DCDC1: variants seen among roughly 807,000 people sequenced by gnomAD.
The protein encoded by DCDC1 is doublecortin domain containing 1.
DCDC1 carries 200 observed loss-of-function variants against 178.3 expected under a neutral mutation model. The observed-to-expected ratio is 1.12, with a 90% CI of 1.00 to 1.26. DCDC1 has a LOEUF of 1.26. Among genes scored for constraint, DCDC1 ranks in the 50% most tolerant of loss-of-function variants. The pLI is 0.00. For missense variants in DCDC1, 1,983 were observed against 1,749.2 expected, an observed-to-expected ratio of 1.13 and a Z score of -2.38; for synonymous variants, 690 against 604.8, an observed-to-expected ratio of 1.14 and a Z score of -2.07.
intron 16 of DCDC1, 22 bp downstream of exon 16, chr11:31,094,028 A>G (rs758771863): frequency 1.3e-5 from 10 of 762,830 alleles, no homozygotes; most frequent in African/African-American, 1.0e-4. Context: ...GTCACTCAGC[A>G]AAAGCAGACA....
chr11:31,063,671 G>A (rs7934159), intron 20 of DCDC1, among the ~76,000 whole-genome samples: 30,842 of 151,962 alleles, frequency 0.2, 3,622 homozygotes, highest in Non-Finnish European at 0.27. Context: ...TTGAGGCCAG[G>A]AGTTCAAGAG....
chr11:30,901,977 A>G (rs774708441), intron 32 of DCDC1, among the ~76,000 whole-genome samples: 24 of 152,274 alleles, frequency 1.6e-4, no homozygotes, highest in Middle Eastern at 3.4e-3. Context: ...TACACAAATG[A>G]CTATTATTCA....
At chr11:31,168,502 T>C (rs951813810) in intron 9 of DCDC1, among the ~76,000 whole-genome samples, 23 of 152,218 alleles carry the variant, frequency 1.5e-4, no homozygotes, top group African/African-American at 4.8e-4. Context: ...CTTAGCATAA[T>C]GCTTGATGCT....
chr11:31,315,413 T>A (rs958955079), intron 3 of DCDC1, among the ~76,000 whole-genome samples: 2 of 136,636 alleles, frequency 1.5e-5, no homozygotes, highest in Admixed American at 1.6e-4. Flanking sequence ...CTCGGCTCAC[T>A]GCAAGCTCCA....
intron 9 of DCDC1, among the ~76,000 whole-genome samples, chr11:31,182,814 T>C (rs1968984623): frequency 6.6e-6 from 1 of 152,016 alleles, no homozygotes; most frequent in African/African-American, 2.4e-5. Context: ...GCAAGCTGAA[T>C]AAAGATTCAA....
intron 11 of DCDC1, among the ~76,000 whole-genome samples, chr11:31,113,295 T>A (rs528827265): frequency 1.3e-5 from 2 of 152,272 alleles, no homozygotes; most frequent in African/African-American, 4.8e-5. Context: ...CTTTTTTGTT[T>A]GTTTGTTTTT....
At chr11:31,108,534 G>C (rs1958999231) in intron 12 of DCDC1, among the ~76,000 whole-genome samples, 2 of 152,106 alleles carry the variant, frequency 1.3e-5, no homozygotes, top group South Asian at 2.1e-4. Context: ...TGCTTTACAG[G>C]CATCACCTTT....
chr11:31,211,587 C>A (rs1427573883), intron 9 of DCDC1, among the ~76,000 whole-genome samples: 3 of 152,122 alleles, frequency 2.0e-5, no homozygotes, highest in Non-Finnish European at 4.4e-5. Context: ...ATACTTTGTT[C>A]TTTAATCGGA....
At chr11:31,298,660 G>C (rs529299511) in intron 6 of DCDC1, among the ~76,000 whole-genome samples, 49 of 152,180 alleles carry the variant, frequency 3.2e-4, no homozygotes, top group African/African-American at 1.2e-3. Flanking sequence ...AAAAGATAAA[G>C]CACTTCTTAG....
chr11:30,869,012 T>C (rs1941287895), intron 38 of DCDC1, among the ~76,000 whole-genome samples: 1 of 152,230 alleles, frequency 6.6e-6, no homozygotes, highest in South Asian at 2.1e-4. Context: ...GAGCAGCCTC[T>C]CCCTTCTCAG....
intron 21 of DCDC1, among the ~76,000 whole-genome samples, chr11:30,935,631 G>C (rs1312979307): frequency 4.6e-5 from 7 of 151,816 alleles, no homozygotes; most frequent in Admixed American, 4.6e-4. Flanking sequence ...TCAGCTCACT[G>C]CAACCTTTGC....
At chr11:31,069,647 G>A (rs965069958) in intron 18 of DCDC1, among the ~76,000 whole-genome samples, 2 of 152,136 alleles carry the variant, frequency 1.3e-5, no homozygotes, top group African/African-American at 4.8e-5. Flanking sequence ...CACATTCCAA[G>A]ACCATAAGTA....
At chr11:31,333,226 A>G (rs551640807) in intron 2 of DCDC1, among the ~76,000 whole-genome samples, 1 of 151,562 alleles carries the variant, frequency 6.6e-6, no homozygotes, top group East Asian at 1.9e-4. Flanking sequence ...TTTGCTCTCC[A>G]TTTGCTTGGT....
At chr11:31,179,270 G>T (rs1038121738) in intron 9 of DCDC1, among the ~76,000 whole-genome samples, 2 of 152,096 alleles carry the variant, frequency 1.3e-5, no homozygotes, top group African/African-American at 4.8e-5. Flanking sequence ...CACTATGAAG[G>T]TTCCTCAAAA....
intron 13 of DCDC1, among the ~76,000 whole-genome samples, chr11:31,106,588 A>G (rs1393939137): frequency 6.6e-6 from 1 of 152,234 alleles, no homozygotes; most frequent in Non-Finnish European, 1.5e-5. Flanking sequence ...CAAGGCATTA[A>G]GACAGAAAGT....
intron 7 of DCDC1, among the ~76,000 whole-genome samples, chr11:31,272,384 C>A (rs1161205449): frequency 6.6e-6 from 1 of 152,118 alleles, no homozygotes; most frequent in East Asian, 1.9e-4. Context: ...ATTTTGAAAC[C>A]AATCATGCCT....
rs550257647 is a variant in DCDC1, at chr11:30,898,539, G to A, written c.4765+1002C>T. ...TCCAGGTTTTTGAGGAGGAACACCT[G>A]GGTAGATGGTAGTAGAACCCTCTAC... On this transcript the variant is annotated intron_variant, in intron 34 of 38. Transcript: ENST00000684477. 7.2e-5 allele frequency among the ~76,000 whole-genome samples: 11 copies of A among 152,240 alleles called. No individual in the cohort carries two copies. In the South Asian group the frequency reaches 2.3e-3, roughly 32 times the overall value.
chr11:31,107,928 C>A (rs1393776306), intron 12 of DCDC1, among the ~76,000 whole-genome samples: 1 of 152,160 alleles, frequency 6.6e-6, no homozygotes, highest in Non-Finnish European at 1.5e-5. Flanking sequence ...GTGGTCTTTT[C>A]TGGCCTAACT....
chr11:31,149,071 T>G (rs187479218), intron 9 of DCDC1, among the ~76,000 whole-genome samples: 1 of 152,356 alleles, frequency 6.6e-6, no homozygotes, highest in African/African-American at 2.4e-5. Flanking sequence ...AAAGACATTA[T>G]TTTATTCCTT....
Sources: allele counts gnomAD v4.1 joint callset (sites outside exome capture counted in the v4.1 genomes callset), GRCh38; gene constraint gnomAD v4.1.1; transcripts MANE v1.5; gene names NCBI Gene and HGNC (gene_info 2026-07-23, HGNC 2026-07-21).